Variants in PSD4 observed in about 807,000 individuals in gnomAD.
The protein encoded by PSD4 is PH and SEC7 domain-containing protein 4.
A neutral mutation model predicts 112.5 loss-of-function variants in PSD4; 59 were observed. The observed-to-expected ratio is 0.52, with a 90% confidence interval of 0.43 to 0.65. The LOEUF (loss-of-function observed/expected upper bound fraction) is 0.65, where lower values mean the gene tolerates loss of function less well. Among genes scored for constraint, PSD4 ranks in the 30% least tolerant of loss-of-function variants. PSD4 has a pLI of 0.00. For missense variants in PSD4, 1,267 were observed against 1,352.6 expected, an observed-to-expected ratio of 0.94 and a Z score of 0.99; for synonymous variants, 533 against 540.0, an observed-to-expected ratio of 0.99 and a Z score of 0.18.
At chr2:113,189,758 T>C (rs1688399923) in intron 5 of PSD4, among the ~76,000 whole-genome samples, 1 of 152,248 alleles carries the variant, frequency 6.6e-6, no homozygotes, top group Non-Finnish European at 1.5e-5. Context: ...ATTTCCCTCA[T>C]CATTAGTGAT....
At chr2:113,176,234 C>A (rs567226241) in intron 1 of PSD4, among the ~76,000 whole-genome samples, 1 of 152,206 alleles carries the variant, frequency 6.6e-6, no homozygotes, top group Non-Finnish European at 1.5e-5. Context: ...AAGCACCGTC[C>A]GGGTGCCAGG....
intron 1 of PSD4, among the ~76,000 whole-genome samples, chr2:113,179,319 C>T (rs1194654868): frequency 6.6e-6 from 1 of 152,136 alleles, no homozygotes; most frequent in Admixed American, 6.5e-5. Flanking sequence ...CATACAAATC[C>T]TCTGCCTGTT....
rs145465140 is a variant in PSD4 at position 113,205,622 on chromosome 2, T to A, written c.*4207T>A. On this transcript the variant is annotated 3_prime_UTR_variant, in exon 17 of 17. Transcript: ENST00000245796. ...TCCAGCCTGGGTAACAGAGCGAGAC[T>A]CTGTCGAAAAAGAAAAAAAAGATGA... The A allele has an allele frequency of 5.3e-4, 81 of 152,076 alleles. 1 individual carries two copies. Among genetic ancestry groups the A allele is most frequent in the African/African-American group, 1.9e-3 (78 of 41,432 alleles). 9.4% of individuals were successfully genotyped at this position (152,076 alleles called of 1,614,324 possible).
intron 1 of PSD4, among the ~76,000 whole-genome samples, chr2:113,176,098 A>G (rs1423747895): frequency 6.6e-6 from 1 of 152,212 alleles, no homozygotes; most frequent in Non-Finnish European, 1.5e-5. Context: ...CAGGGCACCC[A>G]AGGCCATCAC....
Position 113,202,268 on chromosome 2 carries a change from C to G in PSD4, c.*853C>G, listed in dbSNP as rs1020700242. The stretch of plus-strand genomic sequence containing the variant: ...CCAACAGAGCAGAGAAGGAGGTTCT[C>G]TATGTTCAGACCACTGGAGAGGATA... On this transcript the variant is annotated 3_prime_UTR_variant, in exon 17 of 17. Transcript: ENST00000245796. The G allele has an allele frequency of 1.3e-5, 2 of 152,260 alleles. No homozygotes were observed. The highest frequency in any genetic ancestry group is 4.8e-5 in the African/African-American group (2 of 41,450). 9.4% of individuals were successfully genotyped at this position (152,260 alleles called of 1,614,324 possible). A position where few individuals can be genotyped will look rare whatever the true frequency, so the allele number is the denominator to read the frequency against.
intron 1 of PSD4, among the ~76,000 whole-genome samples, chr2:113,180,521 G>A (rs1455252324): frequency 6.6e-6 from 1 of 152,178 alleles, no homozygotes; most frequent in African/African-American, 2.4e-5. Context: ...AGGCCACCTG[G>A]GCTCACTCTC....
intron 15 of PSD4, 93 bp downstream of exon 15, chr2:113,198,977 G>A: frequency 6.5e-7 from 1 of 1,527,474 alleles, no homozygotes; most frequent in Non-Finnish European, 8.8e-7. Flanking sequence ...GGCGGGCTGC[G>A]CACTTGGCCT....
In PSD4 at chr2:113,182,419, A is replaced by G; in HGVS notation, c.-38A>G. The G allele has an allele frequency of 6.5e-7, 1 of 1,531,864 alleles. No homozygotes were observed. The highest frequency in any genetic ancestry group is 8.9e-7 in the Non-Finnish European group (1 of 1,128,300). The allele number at this position is 1,531,864 out of a possible 1,614,324, so 94.9% of individuals were successfully genotyped here. ...CCACACAGTGAGACCGTGAAAGCAG[A>G]TGCTCCGGGGCACTCCTGGGCAGCT... On this transcript the variant is annotated 5_prime_UTR_variant, in exon 2 of 17. It removes an upstream start codon present in the reference 5' UTR. Transcript: ENST00000245796.
intron 10 of PSD4, 104 bp from the exon 11 acceptor site, chr2:113,195,623 G>A: frequency 1.6e-6 from 2 of 1,218,234 alleles, no homozygotes; most frequent in South Asian, 2.6e-5. Flanking sequence ...GTGGGTGGAG[G>A]AGGCAGGCTG....
chr2:113,176,658 G>A (rs547054262), intron 1 of PSD4, among the ~76,000 whole-genome samples: 9 of 152,324 alleles, frequency 5.9e-5, no homozygotes, highest in Admixed American at 4.6e-4. Flanking sequence ...CCTTTGCTGC[G>A]AATTCCTTTC....
intron 2 of PSD4, among the ~76,000 whole-genome samples, chr2:113,184,697 C>G (rs6761202): frequency 0.49 from 74,803 of 151,922 alleles, 18,954 homozygotes; most frequent in East Asian, 0.61. Context: ...GCACTAACTT[C>G]TCAGAGGGAA....
At chr2:113,189,073 C>T (rs1444302125) in intron 5 of PSD4, among the ~76,000 whole-genome samples, 2 of 152,098 alleles carry the variant, frequency 1.3e-5, no homozygotes, top group African/African-American at 4.8e-5. Context: ...CACCCTTTAC[C>T]CCTGAGTCTC....
At chr2:113,191,808 T>C (rs1196883202) in intron 5 of PSD4, among the ~76,000 whole-genome samples, 1 of 151,890 alleles carries the variant, frequency 6.6e-6, no homozygotes, top group East Asian at 1.9e-4. Flanking sequence ...AGGTCATAGG[T>C]CACCACTCAG....
Position 113,208,699 on chromosome 2 carries a change from T to C in PSD4, c.*7284T>C, listed in dbSNP as rs1158927003. 6.6e-6 allele frequency: 1 copy of C among 152,226 alleles called. No homozygotes were observed. Among genetic ancestry groups the C allele is most frequent in the Non-Finnish European group, 1.5e-5 (1 of 68,056 alleles). The allele number at this position is 152,226 out of a possible 1,614,324, so 9.4% of individuals were successfully genotyped here. A position where few individuals can be genotyped will look rare whatever the true frequency, so the allele number is the denominator to read the frequency against. On this transcript the variant is annotated 3_prime_UTR_variant, in exon 17 of 17. Transcript: ENST00000245796. ...TTTCCCTGTGCAGGCTTGCTGACAG[T>C]CTTGCCCACCACTCCTGGCCTCCTC...
intron 14 of PSD4, chr2:113,198,164 G>C: frequency 2.2e-6 from 1 of 461,822 alleles, no homozygotes; most frequent in Non-Finnish European, 3.8e-6. Flanking sequence ...TTGTCAGTGG[G>C]ATAAAGCCTC....
At chr2:113,189,353 A>G (rs12472099) in intron 5 of PSD4, among the ~76,000 whole-genome samples, 30,353 of 148,422 alleles carry the variant, frequency 0.2, 3,447 homozygotes, top group Middle Eastern at 0.26. Flanking sequence ...ATATAATAGT[A>G]TATATATATA....
rs1173911827 is a variant in PSD4, at chr2:113,205,308, G to A, written c.*3893G>A. 1 of 152,156 alleles carries A rather than the reference G, an allele frequency of 6.6e-6. No homozygotes were observed. Among genetic ancestry groups the A allele is most frequent in the Non-Finnish European group, 1.5e-5 (1 of 68,070 alleles). The allele number at this position is 152,156 out of a possible 1,614,324, so 9.4% of individuals were successfully genotyped here. A position where few individuals can be genotyped will look rare whatever the true frequency, so the allele number is the denominator to read the frequency against. On this transcript the variant is annotated 3_prime_UTR_variant, in exon 17 of 17. Transcript: ENST00000245796. Reference sequence around the variant, plus strand: ...TTAAAGAGAAGAGTGCCAAGCTCAGGGCTTGGAGGACAGCCTAGGGATTTT... The same window carrying A: ...TTAAAGAGAAGAGTGCCAAGCTCAGAGCTTGGAGGACAGCCTAGGGATTTT...
chr2:113,192,927 C>T (rs112259541), intron 6 of PSD4, 121 bp from the exon 7 acceptor site: 707 of 976,694 alleles, frequency 7.2e-4, no homozygotes, highest in Non-Finnish European at 7.5e-4. Flanking sequence ...GCCCAGCGTG[C>T]CTGCACCCTT....
At chr2:113,190,104 A>T (rs1195991150) in intron 5 of PSD4, among the ~76,000 whole-genome samples, 1 of 152,198 alleles carries the variant, frequency 6.6e-6, no homozygotes, top group Non-Finnish European at 1.5e-5. Context: ...AATGTCTAGA[A>T]GGGTTTTTCC....
Sources: allele counts gnomAD v4.1 joint callset (sites outside exome capture counted in the v4.1 genomes callset), GRCh38; gene constraint gnomAD v4.1.1; transcripts MANE v1.5; gene names NCBI Gene and HGNC (gene_info 2026-07-23, HGNC 2026-07-21).